TRHDE: variants seen among roughly 807,000 people sequenced by gnomAD.
TRHDE encodes thyrotropin releasing hormone degrading enzyme.
TRHDE carries 72 observed loss-of-function variants against 125.7 expected under a neutral mutation model. The ratio of observed to expected loss-of-function variants is 0.57; its 90% CI spans 0.47 to 0.70. The LOEUF (loss-of-function observed/expected upper bound fraction) is 0.70, where lower values mean the gene tolerates loss of function less well. TRHDE is among the 30% of genes least tolerant of loss of function. TRHDE has a pLI of 0.00. For missense variants in TRHDE, 1,110 were observed against 1,327.1 expected (o/e 0.84, Z 2.54); for synonymous variants, 509 against 509.1 (o/e 1.00, Z 0.00).
At chr12:72,187,442 GGGGGGGT>G (rs963400374) in intron 2 of TRHDE, among the ~76,000 whole-genome samples, 1 of 150,330 alleles carries the variant, frequency 6.7e-6, no homozygotes, top group African/African-American at 2.4e-5. Flanking sequence ...GCCCGAGGTG[GGGGGGGT>G]GGTGGTGGTG....
intron 7 of TRHDE, among the ~76,000 whole-genome samples, chr12:72,555,665 T>C (rs895866281): frequency 1.3e-5 from 2 of 152,296 alleles, no homozygotes; most frequent in East Asian, 1.9e-4. Flanking sequence ...TTTGTTTAAG[T>C]TGGTCATCTG....
intron 3 of TRHDE, among the ~76,000 whole-genome samples, chr12:72,457,890 T>C (rs1181967342): frequency 2.0e-5 from 3 of 152,146 alleles, no homozygotes; most frequent in Non-Finnish European, 4.4e-5. Flanking sequence ...CATTTATAAA[T>C]AGTATTGTTT....
intron 5 of TRHDE, among the ~76,000 whole-genome samples, chr12:72,482,688 A>G (rs1413458200): frequency 1.3e-5 from 2 of 151,902 alleles, no homozygotes; most frequent in Non-Finnish European, 2.9e-5. Context: ...GAATATTTTC[A>G]TCTAAATATT....
intron 2 of TRHDE, among the ~76,000 whole-genome samples, chr12:72,321,461 T>C (rs1869091377): frequency 6.6e-6 from 1 of 152,166 alleles, no homozygotes; most frequent in African/African-American, 2.4e-5. Flanking sequence ...AAACCAAACA[T>C]GATATTTGAC....
At chr12:72,413,650 T>C (rs1053688407) in intron 3 of TRHDE, among the ~76,000 whole-genome samples, 5 of 151,986 alleles carry the variant, frequency 3.3e-5, no homozygotes, top group Non-Finnish European at 7.4e-5. Context: ...CCAAATATAG[T>C]AAATTGCTTG....
chr12:72,175,637 G>A (rs770258669), intron 2 of TRHDE, among the ~76,000 whole-genome samples: 4 of 152,162 alleles, frequency 2.6e-5, no homozygotes, highest in Admixed American at 6.5e-5. Context: ...TTTGCTTAAA[G>A]TTGGGCTTTT....
chr12:72,618,537 A>G (rs1872912938), intron 12 of TRHDE, among the ~76,000 whole-genome samples: 1 of 152,132 alleles, frequency 6.6e-6, no homozygotes, highest in Non-Finnish European at 1.5e-5. Flanking sequence ...GAGAAACTGA[A>G]ATTACATTTC....
chr12:72,453,303 A>C (rs1226334410), intron 3 of TRHDE, among the ~76,000 whole-genome samples: 1 of 152,166 alleles, frequency 6.6e-6, no homozygotes, highest in East Asian at 1.9e-4. Flanking sequence ...GGATTGTGTA[A>C]ATGCCCTAGG....
intron 2 of TRHDE, among the ~76,000 whole-genome samples, chr12:72,371,169 T>C (rs1393015639): frequency 6.6e-6 from 1 of 152,036 alleles, no homozygotes; most frequent in Non-Finnish European, 1.5e-5. Flanking sequence ...ATCCTCCTCT[T>C]GGTAGCTTCC....
At chr12:72,175,041 G>A (rs780214726) in intron 2 of TRHDE, among the ~76,000 whole-genome samples, 8 of 152,074 alleles carry the variant, frequency 5.3e-5, no homozygotes, top group Non-Finnish European at 1.2e-4. Flanking sequence ...GATTTTTTAA[G>A]TGTATCATAT....
At chr12:72,459,740 C>T (rs1167595609) in intron 3 of TRHDE, among the ~76,000 whole-genome samples, 5 of 152,118 alleles carry the variant, frequency 3.3e-5, no homozygotes, top group Non-Finnish European at 7.3e-5. Flanking sequence ...CAACCTCAGC[C>T]TCCAAAGTAG....
At chr12:72,442,997 A>G (rs114281728) in intron 3 of TRHDE, among the ~76,000 whole-genome samples, 3,408 of 151,924 alleles carry the variant, frequency 0.022, 124 homozygotes, top group African/African-American at 0.078. Flanking sequence ...TGACCATGCT[A>G]TTCTCTTGCA....
At chr12:72,466,989 C>T (rs1011690980) in intron 3 of TRHDE, among the ~76,000 whole-genome samples, 8 of 152,198 alleles carry the variant, frequency 5.3e-5, no homozygotes, top group Non-Finnish European at 8.8e-5. Flanking sequence ...CAAGGCAAAA[C>T]TGCGTCTATA....
At chr12:72,470,219 G>T (rs1355429456) in intron 4 of TRHDE, among the ~76,000 whole-genome samples, 1 of 152,176 alleles carries the variant, frequency 6.6e-6, no homozygotes, top group Non-Finnish European at 1.5e-5. Context: ...ATTTTCTTGT[G>T]ATTATTAGTG....
intron 6 of TRHDE, among the ~76,000 whole-genome samples, chr12:72,529,740 C>T (rs1009906958): frequency 1.3e-5 from 2 of 152,102 alleles, no homozygotes; most frequent in African/African-American, 4.8e-5. Context: ...GAGGTACATG[C>T]ATCCGCATTT....
At chr12:72,207,504 C>G (rs960392269) in intron 2 of TRHDE, among the ~76,000 whole-genome samples, 1 of 152,066 alleles carries the variant, frequency 6.6e-6, no homozygotes, top group African/African-American at 2.4e-5. Context: ...ATAAAAAGGA[C>G]AGCAACTTTA....
At chr12:72,293,081 G>A (rs1880150042) in intron 2 of TRHDE, among the ~76,000 whole-genome samples, 1 of 152,128 alleles carries the variant, frequency 6.6e-6, no homozygotes, top group Non-Finnish European at 1.5e-5. Flanking sequence ...TTGATGTTGT[G>A]TGTTTTATGG....
chr12:72,299,612 A>G (rs1293517428), intron 2 of TRHDE, among the ~76,000 whole-genome samples: 2 of 152,228 alleles, frequency 1.3e-5, no homozygotes, highest in African/African-American at 2.4e-5. Context: ...TTAAGATCAA[A>G]GAGATAACTG....
chr12:72,664,032 C>T lies in TRHDE; in HGVS notation c.*837C>T, dbSNP rs551612453. 6.6e-6 allele frequency: 1 copy of T among 152,128 alleles called. No homozygotes were observed. Among genetic ancestry groups the T allele is most frequent in the African/African-American group, 2.4e-5 (1 of 41,530 alleles). The allele number at this position is 152,128 out of a possible 1,614,324, so 9.4% of individuals were successfully genotyped here. On this transcript the variant is annotated 3_prime_UTR_variant, in exon 19 of 19. Coordinates refer to ENST00000261180, the MANE Select transcript of TRHDE (RefSeq NM_013381.3). ...TATCTCAACATTATTCTTTCTATGT[C>T]CTAACTAAATTTCTCAACTGTTATG...
Sources: allele counts gnomAD v4.1 joint callset (sites outside exome capture counted in the v4.1 genomes callset), GRCh38; gene constraint gnomAD v4.1.1; transcripts MANE v1.5; gene names NCBI Gene and HGNC (gene_info 2026-07-23, HGNC 2026-07-21).